The following UPK3A variants were observed in gnomAD, a reference collection of about 807,000 sequenced individuals.
UPK3A encodes uroplakin-3a.
In UPK3A, 32 loss-of-function variants were observed where a neutral mutation model predicts 27.6. The observed-to-expected ratio is 1.16, with a 90% CI of 0.87 to 1.55. The LOEUF (loss-of-function observed/expected upper bound fraction) is 1.55. Among genes scored for constraint, UPK3A ranks in the 40% most tolerant of loss-of-function variants. The pLI, the probability that UPK3A is intolerant of heterozygous loss-of-function variation, is 0.00. For missense variants in UPK3A, 370 were observed against 367.9 expected (o/e 1.01, Z -0.05); for synonymous variants, 171 against 163.9 (o/e 1.04, Z -0.33).
chr22:45,285,459 G>A (rs2235164), intron 1 of UPK3A, among the ~76,000 whole-genome samples: 13,186 of 152,242 alleles, frequency 0.087, 763 homozygotes, highest in South Asian at 0.18. Context: ...TGGAGCCTGG[G>A]GTGAGGGGAG....
At chr22:45,288,910 A>T in intron 3 of UPK3A, 151 bp from the exon 4 acceptor site, 1 of 748,212 alleles carries the variant, frequency 1.3e-6, no homozygotes, top group Non-Finnish European at 2.3e-6. Context: ...TGTTGCCCAG[A>T]GCCCGCTCAG....
chr22:45,288,109 G>T (rs1244533866), intron 3 of UPK3A, among the ~76,000 whole-genome samples: 1 of 152,118 alleles, frequency 6.6e-6, no homozygotes, highest in Non-Finnish European at 1.5e-5. Context: ...AGGAAACTGT[G>T]CCAGAGAGGG....
rs779796604 is a variant in UPK3A at position 45,295,552 on chromosome 22, T to C, written c.705-8T>C. On this transcript the variant is annotated splice_region_variant and splice_polypyrimidine_tract_variant and intron_variant, in intron 5 of 5. Transcript: ENST00000216211. ...CCTAATCCTGGGTCTTTCCATCCCC[T>C]TGGACAGGGACATGGGGAGTTCTGA... The C allele has an allele frequency of 3.1e-6, 5 of 1,614,074 alleles. No homozygotes were observed. The highest frequency in any genetic ancestry group is 2.5e-6 in the Non-Finnish European group (3 of 1,180,024).
At chr22:45,286,206 A>G in intron 2 of UPK3A, 110 bp downstream of exon 2, 1 of 1,419,456 alleles carries the variant, frequency 7.0e-7, no homozygotes, top group Non-Finnish European at 9.7e-7. Flanking sequence ...TCGTCTCATT[A>G]AACAGGTACT....
intron 4 of UPK3A, among the ~76,000 whole-genome samples, chr22:45,289,898 C>T (rs976888880): frequency 1.3e-5 from 2 of 152,134 alleles, no homozygotes; most frequent in East Asian, 1.9e-4. Context: ...CCGGCCCATT[C>T]CTCCGTCTCT....
chr22:45,293,521 C>G (rs1298405317), intron 5 of UPK3A, among the ~76,000 whole-genome samples: 2 of 152,102 alleles, frequency 1.3e-5, no homozygotes, highest in Admixed American at 6.6e-5. Context: ...AGTTGCTCAG[C>G]TGGGAAGGGT....
chr22:45,288,687 C>T (rs1251299498), intron 3 of UPK3A, among the ~76,000 whole-genome samples: 1 of 152,164 alleles, frequency 6.6e-6, no homozygotes, highest in African/African-American at 2.4e-5. Flanking sequence ...GGCTTGGAGT[C>T]ACGGAAGGCA....
intron 2 of UPK3A, among the ~76,000 whole-genome samples, chr22:45,286,432 G>A (rs1019840716): frequency 1.3e-5 from 2 of 152,104 alleles, no homozygotes; most frequent in East Asian, 1.9e-4. Context: ...GACCTCCCAG[G>A]GCTGGAGAGT....
intron 4 of UPK3A, among the ~76,000 whole-genome samples, chr22:45,290,655 A>T (rs985115710): frequency 2.6e-5 from 4 of 151,708 alleles, no homozygotes; most frequent in Admixed American, 2.6e-4. Context: ...GGGGTCCCCA[A>T]CCCCTGGGCC....
Position 45,287,456 on chromosome 22 carries a change from G to A in UPK3A, c.488+5G>A, listed in dbSNP as rs747147102. On this transcript the variant is annotated splice_donor_5th_base_variant and intron_variant, in intron 3 of 5. Transcript: ENST00000216211. The stretch of plus-strand genomic sequence containing the variant: ...GTCGGCAGCCACGGAGTACAGGTGG[G>A]TGTAAACAAACCACTACAGGAGAGC... 2.5e-6 allele frequency: 4 copies of A among 1,586,874 alleles called. No homozygotes were observed. The highest frequency in any genetic ancestry group is 3.4e-6 in the Non-Finnish European group (4 of 1,166,740).
intron 4 of UPK3A, 105 bp downstream of exon 4, chr22:45,289,248 C>A: frequency 8.6e-7 from 1 of 1,156,414 alleles, no homozygotes; most frequent in Non-Finnish European, 1.3e-6. Context: ...GAAAGCCTCC[C>A]AGGCCAGGCA....
chr22:45,290,146 C>T (rs534426613), intron 4 of UPK3A, among the ~76,000 whole-genome samples: 283 of 152,332 alleles, frequency 1.9e-3, no homozygotes, highest in Non-Finnish European at 3.0e-3. Context: ...CTGCGCTGTT[C>T]CTTGCTCAGC....
At chr22:45,291,147 GC>G (rs2084157750) in intron 4 of UPK3A, among the ~76,000 whole-genome samples, 1 of 152,216 alleles carries the variant, frequency 6.6e-6, no homozygotes, top group African/African-American at 2.4e-5. Context: ...GATCCCTGGT[GC>G]CAAAAAGGCT....
intron 2 of UPK3A, 99 bp from the exon 3 acceptor site, chr22:45,287,073 G>A: frequency 6.4e-7 from 1 of 1,558,582 alleles, no homozygotes; most frequent in Non-Finnish European, 8.8e-7. Context: ...CCAGCACAGA[G>A]CTGGGGCAGA....
chr22:45,286,691 G>A (rs1366669145), intron 2 of UPK3A, among the ~76,000 whole-genome samples: 1 of 152,104 alleles, frequency 6.6e-6, no homozygotes, highest in Non-Finnish European at 1.5e-5. Context: ...TGTGTTTATT[G>A]ACTATAAACT....
chr22:45,293,082 TC>T, intron 4 of UPK3A, 98 bp from the exon 5 acceptor site: 1 of 1,562,798 alleles, frequency 6.4e-7, no homozygotes. Flanking sequence ...CATCCCTGGA[TC>T]CCCGGCAGCC....
Position 45,284,963 on chromosome 22 carries a change from C to T in UPK3A, c.-51C>T. The T allele has an allele frequency of 2.7e-6, 4 of 1,507,954 alleles. No homozygotes were observed. Among genetic ancestry groups the T allele is most frequent in the Non-Finnish European group, 3.5e-6 (4 of 1,127,722 alleles). 93.4% of individuals were successfully genotyped at this position (1,507,954 alleles called of 1,614,324 possible). On this transcript the variant is annotated 5_prime_UTR_variant, in exon 1 of 6. Transcript: ENST00000216211. Reference sequence around the variant, plus strand: ...CTGGCAGGGACAGGTCTGGTGCCCGCGCCTGCTCGCTGGACCGCCCGCCCC... The same window carrying T: ...CTGGCAGGGACAGGTCTGGTGCCCGTGCCTGCTCGCTGGACCGCCCGCCCC...
chr22:45,293,520 G>T (rs949515108), intron 5 of UPK3A, among the ~76,000 whole-genome samples: 1 of 152,158 alleles, frequency 6.6e-6, no homozygotes, highest in African/African-American at 2.4e-5. Context: ...AAGTTGCTCA[G>T]CTGGGAAGGG....
chr22:45,288,025 C>G (rs1301871307), intron 3 of UPK3A, among the ~76,000 whole-genome samples: 2 of 152,078 alleles, frequency 1.3e-5, no homozygotes, highest in Non-Finnish European at 2.9e-5. Context: ...CTGGGGCCCA[C>G]AGATTATGCA....
Sources: allele counts gnomAD v4.1 joint callset (sites outside exome capture counted in the v4.1 genomes callset), GRCh38; gene constraint gnomAD v4.1.1; transcripts MANE v1.5; gene names NCBI Gene and HGNC (gene_info 2026-07-23, HGNC 2026-07-21).